PCDH7: variants seen among roughly 807,000 people sequenced by gnomAD.
The protein encoded by PCDH7 is protocadherin 7, also known as protocadherin-7.
Under a neutral mutation model 58.9 loss-of-function variants are expected in PCDH7, and 17 were observed. The observed-to-expected ratio is 0.29, with a 90% confidence interval of 0.20 to 0.43. The LOEUF (loss-of-function observed/expected upper bound fraction) is 0.43, where lower values mean the gene tolerates loss of function less well. PCDH7 is among the 20% of genes least tolerant of loss of function. The probability of loss-of-function intolerance (pLI) is 1.00; values close to 1 mark genes in which losing one functional copy is unlikely to be tolerated. For synonymous variants in PCDH7, 664 were observed against 616.4 expected, an observed-to-expected ratio of 1.08 and a Z score of -1.14; for missense variants, 1,274 against 1,441.0, an observed-to-expected ratio of 0.88 and a Z score of 1.88.
In PCDH7 at chr4:31,100,727, C is replaced by T. The variant is rs944949780; in HGVS notation, c.*8-41746C>T. Among the ~76,000 whole-genome samples, 34 of 152,202 alleles carry T rather than the reference C, an allele frequency of 2.2e-4. 1 individual carries two copies. The highest frequency in any genetic ancestry group is 8.0e-4 in the African/African-American group (33 of 41,452). On this transcript the variant is annotated intron_variant, in intron 3 of 3. Coordinates refer to the PCDH7 transcript ENST00000509759. ...TAGGATTTTTTCCATTCAAGTTCAA[C>T]TTTCTGGAGAAGTCATAAGTGGATG... is the stretch of plus-strand genomic sequence containing the variant.
intron 1 of PCDH7, among the ~76,000 whole-genome samples, chr4:30,854,704 A>G (rs77534488): frequency 0.078 from 11,889 of 152,084 alleles, 661 homozygotes; most frequent in Middle Eastern, 0.14. Context: ...AGAGCCATGC[A>G]TATTTTTTAT....
chr4:31,099,509 C>T (rs1297686581), intron 3 of PCDH7, among the ~76,000 whole-genome samples: 1 of 152,144 alleles, frequency 6.6e-6, no homozygotes, highest in African/African-American at 2.4e-5. Flanking sequence ...ACAGGCTTTG[C>T]CTTCAACACA....
chr4:30,878,376 G>T (rs1736548935), intron 1 of PCDH7, among the ~76,000 whole-genome samples: 1 of 152,136 alleles, frequency 6.6e-6, no homozygotes, highest in South Asian at 2.1e-4. Flanking sequence ...GTTTACCTAG[G>T]TGGAAGGAAG....
intron 1 of PCDH7, among the ~76,000 whole-genome samples, chr4:30,766,462 A>ACACTT (rs1720763717): frequency 6.6e-6 from 1 of 152,132 alleles, no homozygotes; most frequent in African/African-American, 2.4e-5. Flanking sequence ...GATTTGATCT[A>ACACTT]ACAAGACTTG....
At chr4:30,869,920 T>A (rs1341954165) in intron 1 of PCDH7, among the ~76,000 whole-genome samples, 2 of 152,188 alleles carry the variant, frequency 1.3e-5, no homozygotes, top group Non-Finnish European at 2.9e-5. Flanking sequence ...AGCGTTCCTA[T>A]TTCTCCACAT....
intron 3 of PCDH7, among the ~76,000 whole-genome samples, chr4:31,071,162 G>A (rs546620751): frequency 1.3e-5 from 2 of 152,108 alleles, no homozygotes; most frequent in African/African-American, 2.4e-5. Flanking sequence ...AGGTAGAATA[G>A]TCTTTAATAG....
At chr4:31,102,526 C>T (rs1458864326) in intron 3 of PCDH7, among the ~76,000 whole-genome samples, 12 of 152,014 alleles carry the variant, frequency 7.9e-5, no homozygotes, top group Admixed American at 7.9e-4. Flanking sequence ...AGTTCGAGAC[C>T]AGCCTGGCCA....
intron 3 of PCDH7, among the ~76,000 whole-genome samples, chr4:30,963,820 C>G (rs1336710742): frequency 6.6e-6 from 1 of 152,140 alleles, no homozygotes; most frequent in South Asian, 2.1e-4. Flanking sequence ...TGAGTTAAAG[C>G]CTTCCCCAAC....
chr4:31,027,199 C>T (rs1034935524), intron 3 of PCDH7, among the ~76,000 whole-genome samples: 2 of 151,990 alleles, frequency 1.3e-5, no homozygotes. Context: ...ATTAATCCCC[C>T]CAAGGACTCT....
intron 1 of PCDH7, among the ~76,000 whole-genome samples, chr4:30,882,850 T>C (rs1737168467): frequency 6.6e-6 from 1 of 152,218 alleles, no homozygotes; most frequent in African/African-American, 2.4e-5. Context: ...TATCTTCATA[T>C]ATCCAAATAT....
chr4:30,725,026 T>C, intron 1 of PCDH7: 2 of 1,007,220 alleles, frequency 2.0e-6, no homozygotes, highest in Non-Finnish European at 2.4e-6. Context: ...TCTATGCAAA[T>C]TGGATTCCAT....
intron 1 of PCDH7, among the ~76,000 whole-genome samples, chr4:30,856,237 A>G (rs973875480): frequency 1.3e-5 from 2 of 152,042 alleles, no homozygotes. Context: ...CTCTTTTTCT[A>G]TCTTTGCTAA....
At chr4:30,906,828 G>C (rs557059018) in intron 1 of PCDH7, among the ~76,000 whole-genome samples, 1 of 152,106 alleles carries the variant, frequency 6.6e-6, no homozygotes, top group Admixed American at 6.5e-5. Context: ...TTTGACACCA[G>C]GTTGGCCAAC....
intron 1 of PCDH7, among the ~76,000 whole-genome samples, chr4:30,791,791 A>G (rs1272510902): frequency 1.3e-5 from 2 of 152,216 alleles, no homozygotes; most frequent in East Asian, 3.8e-4. Flanking sequence ...TCACAAACCG[A>G]TGATGAAAGT....
At chr4:30,850,719 C>A (rs1236858145) in intron 1 of PCDH7, among the ~76,000 whole-genome samples, 2 of 152,034 alleles carry the variant, frequency 1.3e-5, no homozygotes, top group South Asian at 4.1e-4. Context: ...CACGGCTGGA[C>A]ACTCACTACC....
chr4:31,142,560 C>T (rs748945781), exon 4 of PCDH7: 9 of 1,367,586 alleles, frequency 6.6e-6, no homozygotes, highest in African/African-American at 1.5e-5. Context: ...TGCTGGATGC[C>T]GGTCCGCACT....
intron 3 of PCDH7, among the ~76,000 whole-genome samples, chr4:31,083,180 T>C (rs35316591): frequency 0.52 from 79,662 of 151,948 alleles, 20,979 homozygotes; most frequent in South Asian, 0.66. Flanking sequence ...GGGGCAGGTG[T>C]ACTAAAATCT....
At chr4:30,999,387 A>C (rs1241123046) in intron 3 of PCDH7, among the ~76,000 whole-genome samples, 1 of 152,166 alleles carries the variant, frequency 6.6e-6, no homozygotes, top group Non-Finnish European at 1.5e-5. Context: ...TGATTACACA[A>C]AATTTCCTTT....
intron 3 of PCDH7, among the ~76,000 whole-genome samples, chr4:31,076,396 G>T (rs1758993007): frequency 1.3e-5 from 2 of 152,076 alleles, no homozygotes; most frequent in South Asian, 4.1e-4. Flanking sequence ...AAATGCATTT[G>T]TTTCATACAG....
Sources: allele counts gnomAD v4.1 joint callset (sites outside exome capture counted in the v4.1 genomes callset), GRCh38; gene constraint gnomAD v4.1.1; transcripts MANE v1.5; gene names NCBI Gene and HGNC (gene_info 2026-07-23, HGNC 2026-07-21).